Variants in DIP2C observed in about 807,000 individuals in gnomAD.
The protein encoded by DIP2C is DIP2 acetate--CoA ligase C (putative).
DIP2C carries 33 observed loss-of-function variants against 192.4 expected under a neutral mutation model. The ratio of observed to expected loss-of-function variants is 0.17; its 90% CI spans 0.13 to 0.23. The LOEUF (loss-of-function observed/expected upper bound fraction) is 0.23, where lower values mean the gene tolerates loss of function less well. Among genes scored for constraint, DIP2C ranks in the 10% least tolerant of loss-of-function variants. The pLI, the probability that DIP2C is intolerant of heterozygous loss-of-function variation, is 1.00. For missense variants in DIP2C, 1,537 were observed against 2,110.1 expected (o/e 0.73, Z 5.32); for synonymous variants, 979 against 864.1 (o/e 1.13, Z -2.33).
chr10:357,751 C>T lies in DIP2C; in HGVS notation c.2904+77G>A, dbSNP rs530300668. The T allele has an allele frequency of 3.8e-5, 43 of 1,119,184 alleles. No individual in the cohort carries two copies. In the East Asian group the frequency reaches 9.0e-4, roughly 23 times the overall value. The allele number at this position is 1,119,184 out of a possible 1,614,324, so 69.3% of individuals were successfully genotyped here. ...AAGGTAGGGGACAGTCGGGTACTGTCGGGGATGGTCGCAGATGGTCGGGGA... is the reference window on the plus strand; with the variant it reads ...AAGGTAGGGGACAGTCGGGTACTGTTGGGGATGGTCGCAGATGGTCGGGGA... On this transcript the variant is annotated intron_variant, in intron 23 of 36. Coordinates refer to ENST00000280886, the MANE Select transcript of DIP2C (RefSeq NM_014974.3).
At chr10:521,098 A>G (rs1846678757) in intron 1 of DIP2C, among the ~76,000 whole-genome samples, 1 of 152,262 alleles carries the variant, frequency 6.6e-6, no homozygotes, top group African/African-American at 2.4e-5. Context: ...TAATGTATAC[A>G]TTAGTAAACA....
intron 32 of DIP2C, among the ~76,000 whole-genome samples, chr10:301,339 T>A (rs1325750575): frequency 6.6e-6 from 1 of 152,154 alleles, no homozygotes; most frequent in African/African-American, 2.4e-5. Flanking sequence ...ACGCTGGTGA[T>A]GTCAGAGGGA....
chr10:358,273 A>AAT (rs1170157471), intron 22 of DIP2C, among the ~76,000 whole-genome samples: 1 of 151,500 alleles, frequency 6.6e-6, no homozygotes, highest in Non-Finnish European at 1.5e-5. Flanking sequence ...ACACACACAG[A>AAT]ATTAAAAGCC....
At chr10:299,457 T>C (rs1217549785) in intron 32 of DIP2C, among the ~76,000 whole-genome samples, 3 of 152,238 alleles carry the variant, frequency 2.0e-5, no homozygotes, top group Non-Finnish European at 4.4e-5. Context: ...TTGACATTTT[T>C]GAAGAATAGT....
chr10:686,525 C>T (rs1403608714), intron 1 of DIP2C, among the ~76,000 whole-genome samples: 1 of 152,232 alleles, frequency 6.6e-6, no homozygotes, highest in Non-Finnish European at 1.5e-5. Context: ...CCCTGGCTCA[C>T]ACTCAGACCC....
At chr10:591,096 A>G in intron 1 of DIP2C, among the ~76,000 whole-genome samples, 1 of 131,422 alleles carries the variant, frequency 7.6e-6, no homozygotes, top group African/African-American at 4.1e-5. Flanking sequence ...CATCACAGAT[A>G]ACAGTCAGGT....
At chr10:485,587 A>T (rs1247704060) in intron 2 of DIP2C, among the ~76,000 whole-genome samples, 1 of 152,232 alleles carries the variant, frequency 6.6e-6, no homozygotes, top group Non-Finnish European at 1.5e-5. Context: ...CCTGAGCCTC[A>T]GGAAACTTTC....
Position 606,798 on chromosome 10 carries a change from G to A in DIP2C, c.85+82696C>T, listed in dbSNP as rs531748888. ...AAAACAAGACCCAACCCGAGACCAG[G>A]GAAGCTACACACGCACATCTGACAT... On this transcript the variant is annotated intron_variant, in intron 1 of 36. Transcript: ENST00000280886. Among the ~76,000 whole-genome samples, 9 of 152,286 alleles carry A rather than the reference G, an allele frequency of 5.9e-5. No individual in the cohort carries two copies. The South Asian group carries it at 1.7e-3, about 28-fold the overall frequency.
At chr10:456,744 T>C (rs1191095182) in intron 3 of DIP2C, among the ~76,000 whole-genome samples, 2 of 152,282 alleles carry the variant, frequency 1.3e-5, no homozygotes, top group South Asian at 2.1e-4. Flanking sequence ...CTCCACTACA[T>C]AGGGCCATCT....
chr10:566,669 TG>T (rs1235693314), intron 1 of DIP2C, among the ~76,000 whole-genome samples: 1 of 152,230 alleles, frequency 6.6e-6, no homozygotes, highest in East Asian at 1.9e-4. Context: ...CAAGATTTCT[TG>T]GGTCTCTCGC....
intron 1 of DIP2C, among the ~76,000 whole-genome samples, chr10:544,141 CGTGACCTTTGGT>C (rs1276968176): frequency 1.1e-4 from 17 of 150,618 alleles, no homozygotes; most frequent in East Asian, 1.9e-4. Context: ...TCGCACAGTG[CGTGACCTTTGGT>C]GTGACCTTTG....
chr10:346,229 CATAT>C (rs1958442964), intron 26 of DIP2C, among the ~76,000 whole-genome samples: 2 of 20,268 alleles, frequency 9.9e-5, no homozygotes, highest in Admixed American at 5.1e-4. Context: ...CCAACCCAGA[CATAT>C]CGCGTATAGT....
intron 1 of DIP2C, among the ~76,000 whole-genome samples, chr10:618,923 G>A (rs1011691439): frequency 2.0e-5 from 3 of 152,202 alleles, no homozygotes; most frequent in Non-Finnish European, 2.9e-5. Flanking sequence ...GAAAGGACAG[G>A]TCTGTGTAGA....
intron 1 of DIP2C, among the ~76,000 whole-genome samples, chr10:646,235 T>C (rs935991812): frequency 2.0e-5 from 3 of 152,086 alleles, no homozygotes; most frequent in African/African-American, 7.2e-5. Flanking sequence ...CCAAGGGCTG[T>C]TTCCAGGAGC....
intron 1 of DIP2C, among the ~76,000 whole-genome samples, chr10:670,189 TACATGTGTGC>T (rs1416238521): frequency 4.6e-5 from 7 of 152,056 alleles, no homozygotes; most frequent in African/African-American, 1.7e-4. Context: ...TACACGTGTG[TACATGTGTGC>T]ACATGTATGC....
chr10:487,472 C>CAG (rs1466609705), intron 1 of DIP2C, among the ~76,000 whole-genome samples: 1 of 150,970 alleles, frequency 6.6e-6, no homozygotes, highest in Non-Finnish European at 1.5e-5. Flanking sequence ...GCTCATGATA[C>CAG]AGGTTCTCGT....
Position 652,282 on chromosome 10 carries a change from C to T in DIP2C, c.85+37212G>A. 1 of 211,416 alleles carries T rather than the reference C, an allele frequency of 4.7e-6. No individual in the cohort carries two copies. The highest frequency in any genetic ancestry group is 5.7e-5 in the South Asian group (1 of 17,618). The allele number at this position is 211,416 out of a possible 1,614,324, so 13.1% of individuals were successfully genotyped here. On this transcript the variant is annotated intron_variant, in intron 1 of 36. Coordinates refer to ENST00000280886, the MANE Select transcript of DIP2C (RefSeq NM_014974.3). The surrounding 1 kb of genome is among the most constrained non-coding windows in gnomAD (Gnocchi z 4.5). ...ACCAAACTCCACTGGCATCTTCCTC[C>T]ATCCTGAGGGCATCTTCCTCGGCAT... is the stretch of plus-strand genomic sequence containing the variant.
At chr10:545,646 G>A (rs961337227) in intron 1 of DIP2C, among the ~76,000 whole-genome samples, 2 of 152,194 alleles carry the variant, frequency 1.3e-5, no homozygotes, top group Admixed American at 6.5e-5. Flanking sequence ...ATAAGATGCT[G>A]TTTAAGCCTC....
intron 31 of DIP2C, among the ~76,000 whole-genome samples, chr10:317,626 G>A (rs1313988104): frequency 6.6e-6 from 1 of 152,208 alleles, no homozygotes; most frequent in Non-Finnish European, 1.5e-5. Context: ...CTGCGATAGA[G>A]AATCCCTTGC....
Sources: allele counts gnomAD v4.1 joint callset (sites outside exome capture counted in the v4.1 genomes callset), GRCh38; gene constraint gnomAD v4.1.1; non-coding constraint Gnocchi (gnomAD v3.1); transcripts MANE v1.5; gene names NCBI Gene and HGNC (gene_info 2026-07-23, HGNC 2026-07-21).